The following TNR variants were observed in gnomAD, a reference collection of about 807,000 sequenced individuals.
The protein encoded by TNR is tenascin-R.
In TNR, 45 loss-of-function variants were observed where a neutral mutation model predicts 150.4. The observed-to-expected ratio is 0.30, with a 90% CI of 0.24 to 0.38. The LOEUF (loss-of-function observed/expected upper bound fraction) is 0.38, where lower values mean the gene tolerates loss of function less well. Ranked by LOEUF, TNR falls within the 10% of genes least tolerant of loss-of-function variation. The pLI is 1.00. For synonymous variants in TNR, 687 were observed against 678.4 expected (o/e 1.01, Z -0.20); for missense variants, 1,544 against 1,759.1 (o/e 0.88, Z 2.19).
Position 175,553,791 on chromosome 1 carries a change from A to T in TNR, c.-164-25422T>A, listed in dbSNP as rs560908820. ...CACATTCGTGTAGATATACATACAT[A>T]TCATACATATGCATATACAAGAACA... On this transcript the variant is annotated intron_variant, in intron 1 of 22. Coordinates refer to ENST00000367674, the MANE Select transcript of TNR (RefSeq NM_003285.3). Among the ~76,000 whole-genome samples, 268 of 147,982 alleles carry T rather than the reference A, an allele frequency of 1.8e-3. 1 individual carries two copies. Among genetic ancestry groups the T allele is most frequent in the Non-Finnish European group, 3.6e-3 (242 of 66,968 alleles).
rs558829180 is a variant in TNR, at chr1:175,544,514, T to C, written c.-164-16145A>G. 2.2e-4 allele frequency among the ~76,000 whole-genome samples: 33 copies of C among 152,018 alleles called. No homozygotes were observed. In the South Asian group the frequency reaches 6.7e-3, roughly 31 times the overall value. ...GGGAATAGGAAGATAAGAAAATGAG[T>C]TGAATTTTGGACATATTAAATTCAA... On this transcript the variant is annotated intron_variant, in intron 1 of 22. Transcript: ENST00000367674.
At chr1:175,441,328 A>C (rs1229605071) in intron 2 of TNR, among the ~76,000 whole-genome samples, 2 of 152,212 alleles carry the variant, frequency 1.3e-5, no homozygotes, top group Non-Finnish European at 2.9e-5. Flanking sequence ...AAAAGAGAAG[A>C]GGGGATATCA....
At chr1:175,362,917 C>T in intron 13 of TNR, 108 bp from the exon 14 acceptor site, 1 of 1,322,908 alleles carries the variant, frequency 7.6e-7, no homozygotes, top group Non-Finnish European at 1.1e-6. Flanking sequence ...ACTCCGCACT[C>T]AGTGGGGAGG....
intron 9 of TNR, among the ~76,000 whole-genome samples, chr1:175,376,879 T>TATATATATATATACAC (rs36055169): frequency 6.8e-6 from 1 of 146,534 alleles, no homozygotes; most frequent in African/African-American, 2.5e-5. Context: ...TATATATATA[T>TATATATATATATACAC]ACACATATAT....
chr1:175,559,472 A>G, intron 1 of TNR, among the ~76,000 whole-genome samples: 1 of 152,180 alleles, frequency 6.6e-6, no homozygotes, highest in East Asian at 1.9e-4. Flanking sequence ...TTTCCACCAC[A>G]TACTACCTAG....
At chr1:175,542,066 C>T (rs1027193830) in intron 1 of TNR, among the ~76,000 whole-genome samples, 3 of 152,192 alleles carry the variant, frequency 2.0e-5, no homozygotes, top group Non-Finnish European at 2.9e-5. Flanking sequence ...TGACAACGGA[C>T]AGCAGTGTGG....
chr1:175,709,053 TG>T (rs150924176), intron 1 of TNR, among the ~76,000 whole-genome samples: 8,503 of 152,042 alleles, frequency 0.056, 623 homozygotes, highest in African/African-American at 0.16. Context: ...GTCGCCTCAC[TG>T]GGGGAAGATG....
chr1:175,485,859 T>C (rs1296377242), intron 2 of TNR, among the ~76,000 whole-genome samples: 1 of 152,240 alleles, frequency 6.6e-6, no homozygotes, highest in Non-Finnish European at 1.5e-5. Context: ...TCAGGCACCA[T>C]GCCAAGCATT....
At chr1:175,675,294 T>C (rs73035411) in intron 1 of TNR, among the ~76,000 whole-genome samples, 2,374 of 152,272 alleles carry the variant, frequency 0.016, 54 homozygotes, top group African/African-American at 0.054. Context: ...ACAAGCCTCG[T>C]TACTGAACCT....
chr1:175,680,259 T>C (rs1452225987), intron 1 of TNR, among the ~76,000 whole-genome samples: 1 of 152,184 alleles, frequency 6.6e-6, no homozygotes, highest in Non-Finnish European at 1.5e-5. Context: ...AGGGCTTGGA[T>C]TGAACATGGT....
intron 18 of TNR, among the ~76,000 whole-genome samples, chr1:175,346,123 G>T (rs767947635): frequency 4.6e-5 from 7 of 152,082 alleles, no homozygotes; most frequent in Non-Finnish European, 7.4e-5. Context: ...AGTTCCTTGG[G>T]CATATGAAAT....
chr1:175,557,608 A>T (rs1661222381), intron 1 of TNR, among the ~76,000 whole-genome samples: 1 of 151,916 alleles, frequency 6.6e-6, no homozygotes, highest in Admixed American at 6.6e-5. Flanking sequence ...CAATCATTAA[A>T]AAGTCAGGAA....
intron 1 of TNR, among the ~76,000 whole-genome samples, chr1:175,706,514 C>A (rs187359065): frequency 6.6e-6 from 1 of 152,286 alleles, no homozygotes; most frequent in East Asian, 1.9e-4. Flanking sequence ...CGTCCACCCA[C>A]TGGTCTCCTT....
chr1:175,491,547 G>A (rs557751967), intron 2 of TNR, among the ~76,000 whole-genome samples: 158 of 151,208 alleles, frequency 1.0e-3, no homozygotes, highest in African/African-American at 3.6e-3. Flanking sequence ...AATTACACAA[G>A]TTAGTGGAAG....
At chr1:175,369,578 T>A (rs1461855560) in intron 9 of TNR, among the ~76,000 whole-genome samples, 1 of 152,146 alleles carries the variant, frequency 6.6e-6, no homozygotes, top group East Asian at 1.9e-4. Context: ...TGGACATGCA[T>A]TTTGAGGGGA....
At position 175,611,887 on chromosome 1, in the gene TNR, T is replaced by C. The variant is rs576797670; in HGVS notation, c.-164-83518A>G. On this transcript the variant is annotated intron_variant, in intron 1 of 22. Coordinates refer to ENST00000367674, the MANE Select transcript of TNR (RefSeq NM_003285.3). Reference sequence around the variant, plus strand: ...CTGTAATGGAGATATAAAAGAAAAATAAAGTGCTGTAGACCGAATGTAAAT... The same window carrying C: ...CTGTAATGGAGATATAAAAGAAAAACAAAGTGCTGTAGACCGAATGTAAAT... 9.4e-4 allele frequency among the ~76,000 whole-genome samples: 143 copies of C among 151,990 alleles called. 1 individual carries two copies. Among genetic ancestry groups the C allele is most frequent in the African/African-American group, 3.3e-3 (137 of 41,442 alleles).
intron 1 of TNR, among the ~76,000 whole-genome samples, chr1:175,606,347 C>A (rs1663403084): frequency 6.6e-6 from 1 of 152,060 alleles, no homozygotes; most frequent in African/African-American, 2.4e-5. Context: ...AGACTCTGGA[C>A]AGAGAATAAT....
At chr1:175,439,859 A>G (rs1655698462) in intron 2 of TNR, among the ~76,000 whole-genome samples, 1 of 152,228 alleles carries the variant, frequency 6.6e-6, no homozygotes, top group African/African-American at 2.4e-5. Context: ...GGTGATCATT[A>G]AAAAGTCAAG....
At chr1:175,593,037 A>G (rs2101839615) in intron 1 of TNR, among the ~76,000 whole-genome samples, 1 of 152,196 alleles carries the variant, frequency 6.6e-6, no homozygotes, top group African/African-American at 2.4e-5. Flanking sequence ...GCATTTATCC[A>G]TTGCATCTCT....
Sources: gnomAD v4.1 joint callset for allele counts (sites outside exome capture counted in the v4.1 genomes callset) on GRCh38, gnomAD v4.1.1 for gene constraint, MANE v1.5 for transcripts, NCBI Gene and HGNC (gene_info 2026-07-23, HGNC 2026-07-21) for gene names.